Variants in SLC6A4 observed in about 807,000 individuals in gnomAD.
SLC6A4 encodes solute carrier family 6 member 4, also known as sodium-dependent serotonin transporter.
Under a neutral mutation model 73.4 loss-of-function variants are expected in SLC6A4, and 22 were observed. The ratio of observed to expected loss-of-function variants is 0.30; its 90% CI spans 0.21 to 0.43. The LOEUF is 0.43. SLC6A4 is among the 20% of genes least tolerant of loss of function. SLC6A4 has a pLI of 1.00. For missense variants in SLC6A4, 593 were observed against 808.5 expected (o/e 0.73, Z 3.23); for synonymous variants, 270 against 315.5 (o/e 0.86, Z 1.53).
rs142987316 is a variant in SLC6A4 at position 30,213,789 on chromosome 17, C to T, written c.1077-922G>A. On this transcript the variant is annotated intron_variant, in intron 8 of 14. Transcript: ENST00000650711. ...TGAGATAGGGTCTCCCTCTGTTGCACAGGCTGAAGTGCAGTGGCATGAACA... is the reference window on the plus strand; with the variant it reads ...TGAGATAGGGTCTCCCTCTGTTGCATAGGCTGAAGTGCAGTGGCATGAACA... Among the ~76,000 whole-genome samples, 197 of 152,268 alleles carry T rather than the reference C, an allele frequency of 1.3e-3. 2 individuals are homozygous for T. The highest frequency in any genetic ancestry group is 4.5e-3 in the African/African-American group (185 of 41,532).
intron 3 of SLC6A4, among the ~76,000 whole-genome samples, chr17:30,220,381 C>A (rs563819934): frequency 6.6e-6 from 1 of 152,302 alleles, no homozygotes; most frequent in African/African-American, 2.4e-5. Context: ...CTGCTCTCCC[C>A]CAGGTTCCCA....
chr17:30,222,833 T>A lies in SLC6A4; in HGVS notation c.-138A>T, dbSNP rs1386551030. 1.5e-6 allele frequency: 2 copies of A among 1,304,584 alleles called. No individual in the cohort carries two copies. The highest frequency in any genetic ancestry group is 1.1e-4 in the East Asian group (2 of 18,162). 80.8% of individuals were successfully genotyped at this position (1,304,584 alleles called of 1,614,324 possible). On this transcript the variant is annotated 5_prime_UTR_variant, in exon 2 of 15. Transcript: ENST00000650711. ...CTGCTGCTCACCATTTGTTCTTCTTTCCACTTGCCAGCAACTCCTGTGGCT... is the reference window on the plus strand; with the variant it reads ...CTGCTGCTCACCATTTGTTCTTCTTACCACTTGCCAGCAACTCCTGTGGCT...
chr17:30,221,760 TG>T lies in SLC6A4; in HGVS notation c.198del (p.Thr67ProfsTer4). The T allele has an allele frequency of 6.2e-7, 1 of 1,613,934 alleles. No homozygotes were observed. Among genetic ancestry groups the T allele is most frequent in the Non-Finnish European group, 8.5e-7 (1 of 1,179,824 alleles). ...TGAAGCTCAGCCACTAGGGTGGTGG[TG>T]GTCGCTGGGATAGAGTGCCGTGTGT... ...GDDTRHSIPA[T>X]TTTLVAELHQ... On this transcript the variant is annotated frameshift_variant, in exon 3 of 15. Coordinates refer to ENST00000650711, the MANE Select transcript of SLC6A4 (RefSeq NM_001045.6). LOFTEE classifies it high-confidence loss of function.
rs1185545348 is a variant in SLC6A4, at chr17:30,222,907, C to A, written c.-212G>T. 8.8e-7 allele frequency: 1 copy of A among 1,139,904 alleles called. No homozygotes were observed. The highest frequency in any genetic ancestry group is 1.2e-6 in the Non-Finnish European group (1 of 840,082). The allele number at this position is 1,139,904 out of a possible 1,614,324, so 70.6% of individuals were successfully genotyped here. On this transcript the variant is annotated 5_prime_UTR_variant, in exon 2 of 15. Transcript: ENST00000650711. ...GAGGGCAAGCAAGGTCGCCTTGCCT[C>A]CAGGAGACCTAGGGAGAAGAGTGTG...
chr17:30,225,938 TCTCTATAGCCA>T (rs1422140687), intron 1 of SLC6A4, among the ~76,000 whole-genome samples: 5 of 152,208 alleles, frequency 3.3e-5, no homozygotes, highest in Non-Finnish European at 7.3e-5. Flanking sequence ...ACACACTTTG[TCTCTATAGCCA>T]GGAGCAACCC....
intron 11 of SLC6A4, 117 bp from the exon 12 acceptor site, chr17:30,209,359 C>T (rs893527968): frequency 4.6e-6 from 3 of 650,148 alleles, no homozygotes; most frequent in Middle Eastern, 8.3e-4. Context: ...CACCTGGGAC[C>T]GAACGTGAGT....
At chr17:30,213,302 CTT>C (rs3034289) in intron 8 of SLC6A4, among the ~76,000 whole-genome samples, 7 of 129,792 alleles carry the variant, frequency 5.4e-5, no homozygotes, top group Non-Finnish European at 6.5e-5. Context: ...ATTTTTTTTT[CTT>C]TTTTTTTTTT....
intron 1 of SLC6A4, among the ~76,000 whole-genome samples, chr17:30,231,094 A>G (rs1044697294): frequency 3.9e-5 from 6 of 152,126 alleles, no homozygotes; most frequent in South Asian, 2.1e-4. Flanking sequence ...GGAAATGGGA[A>G]TATGAGCTGT....
At chr17:30,225,642 C>G (rs1906902141) in intron 1 of SLC6A4, among the ~76,000 whole-genome samples, 1 of 152,170 alleles carries the variant, frequency 6.6e-6, no homozygotes, top group Non-Finnish European at 1.5e-5. Flanking sequence ...CAGAAGGAAG[C>G]CTTCCTTTGC....
At chr17:30,217,404 C>G in intron 5 of SLC6A4, 100 bp from the exon 6 acceptor site, 1 of 1,226,844 alleles carries the variant, frequency 8.2e-7, no homozygotes, top group Non-Finnish European at 1.1e-6. Context: ...CAAATGGACA[C>G]GGTGCTGCTA....
At position 30,215,493 on chromosome 17, in the gene SLC6A4, G is replaced by A. The variant is rs1426427799; in HGVS notation, c.1076+118C>T. ...GCCTGCAGCACCCCTGAGGGGCAGT[G>A]GTATCAAGGCCTAAGCCTGGCCAGA... On this transcript the variant is annotated intron_variant, in intron 8 of 14. Coordinates refer to ENST00000650711, the MANE Select transcript of SLC6A4 (RefSeq NM_001045.6). 8.8e-6 allele frequency: 7 copies of A among 797,652 alleles called. No individual in the cohort carries two copies. In the African/African-American group the frequency reaches 1.2e-4, roughly 13 times the overall value. The allele number at this position is 797,652 out of a possible 1,614,324, so 49.4% of individuals were successfully genotyped here. A position where few individuals can be genotyped will look rare whatever the true frequency, so the allele number is the denominator to read the frequency against.
chr17:30,210,077 CAA>C (rs79332361), intron 11 of SLC6A4, among the ~76,000 whole-genome samples: 7 of 121,930 alleles, frequency 5.7e-5, no homozygotes, highest in Non-Finnish European at 5.4e-5. Flanking sequence ...CTTCAGCTAC[CAA>C]AAAAAAAAAA....
At chr17:30,223,581 T>G (rs1906837035) in intron 1 of SLC6A4, among the ~76,000 whole-genome samples, 1 of 152,190 alleles carries the variant, frequency 6.6e-6, no homozygotes, top group Non-Finnish European at 1.5e-5. Flanking sequence ...GCATTTTTTC[T>G]GTAAAGTGGA....
At chr17:30,199,313 G>A (rs868289420) in intron 14 of SLC6A4, among the ~76,000 whole-genome samples, 45 of 149,344 alleles carry the variant, frequency 3.0e-4, no homozygotes, top group South Asian at 2.5e-3. Flanking sequence ...GGGATATAGA[G>A]GAGAAAAAAA....
rs201904172 is a variant in SLC6A4 at position 30,195,292 on chromosome 17, G to T, written c.*3164C>A. 6.6e-6 allele frequency: 1 copy of T among 152,418 alleles called. No homozygotes were observed. Among genetic ancestry groups the T allele is most frequent in the Non-Finnish European group, 1.5e-5 (1 of 68,304 alleles). 9.4% of individuals were successfully genotyped at this position (152,418 alleles called of 1,614,324 possible). Reference sequence around the variant, plus strand: ...GTTTTTGTTTTTTAGATGGAGTCTTGCTCTGTCACCCAGGCTGGAGTGCAG... The same window carrying T: ...GTTTTTGTTTTTTAGATGGAGTCTTTCTCTGTCACCCAGGCTGGAGTGCAG... On this transcript the variant is annotated 3_prime_UTR_variant, in exon 15 of 15. Transcript: ENST00000650711.
In SLC6A4 at chr17:30,196,524, T is replaced by C. The variant is rs1343921870; in HGVS notation, c.*1932A>G. 1 of 152,362 alleles carries C rather than the reference T, an allele frequency of 6.6e-6. No individual in the cohort carries two copies. Among genetic ancestry groups the C allele is most frequent in the Non-Finnish European group, 1.5e-5 (1 of 68,034 alleles). 9.4% of individuals were successfully genotyped at this position (152,362 alleles called of 1,614,324 possible). On this transcript the variant is annotated 3_prime_UTR_variant, in exon 15 of 15. Coordinates refer to ENST00000650711, the MANE Select transcript of SLC6A4 (RefSeq NM_001045.6). The stretch of plus-strand genomic sequence containing the variant: ...AAGTATGTGGGGTGGGGAGAATCCA[T>C]ATCCGAATATCTTCATAAAGCAAGT...
At chr17:30,213,122 G>A (rs898248875) in intron 8 of SLC6A4, among the ~76,000 whole-genome samples, 2 of 152,150 alleles carry the variant, frequency 1.3e-5, no homozygotes, top group African/African-American at 4.8e-5. Flanking sequence ...TGCTTTAAAA[G>A]GCAATCCTGC....
At chr17:30,210,010 G>A (rs1284114966) in intron 11 of SLC6A4, among the ~76,000 whole-genome samples, 2 of 151,696 alleles carry the variant, frequency 1.3e-5, no homozygotes, top group Non-Finnish European at 2.9e-5. Flanking sequence ...CCACTCCAGG[G>A]CCATCGGGGT....
intron 10 of SLC6A4, 72 bp from the exon 11 acceptor site, chr17:30,210,718 G>C: frequency 6.6e-7 from 1 of 1,512,838 alleles, no homozygotes; most frequent in South Asian, 1.3e-5. Context: ...CAGTGAACAG[G>C]AGGGAGGGGT....
Sources: gnomAD v4.1 joint callset for allele counts (sites outside exome capture counted in the v4.1 genomes callset) on GRCh38, gnomAD v4.1.1 for gene constraint, MANE v1.5 for transcripts, NCBI Gene and HGNC (gene_info 2026-07-23, HGNC 2026-07-21) for gene names.